Variants in ZNF804A observed in about 807,000 individuals in gnomAD.
ZNF804A encodes zinc finger protein 804A.
Under a neutral mutation model 16.5 loss-of-function variants are expected in ZNF804A, and 2 were observed. The observed-to-expected ratio is 0.12, with a 90% CI of 0.05 to 0.38. The LOEUF is 0.38. Ranked by LOEUF, ZNF804A falls within the 10% of genes least tolerant of loss-of-function variation. The pLI is 0.99. For synonymous variants in ZNF804A, 534 were observed against 489.6 expected (o/e 1.09, Z -1.20); for missense variants, 1,473 against 1,390.7 (o/e 1.06, Z -0.94).
intron 1 of ZNF804A, 56 bp downstream of exon 1, chr2:184,599,126 G>A (rs546052804): frequency 7.3e-7 from 1 of 1,373,016 alleles, no homozygotes; most frequent in East Asian, 2.3e-5. Context: ...GCATTTGGAA[G>A]ATTGAGTTTT....
intron 1 of ZNF804A, among the ~76,000 whole-genome samples, chr2:184,623,970 AT>A (rs1456411505): frequency 1.3e-5 from 2 of 152,198 alleles, no homozygotes; most frequent in Admixed American, 6.6e-5. Context: ...ATATCGAGAA[AT>A]CAGTATGCTT....
chr2:184,917,582 A>G (rs1685469873), intron 2 of ZNF804A, among the ~76,000 whole-genome samples: 2 of 152,072 alleles, frequency 1.3e-5, no homozygotes, highest in Admixed American at 1.3e-4. Context: ...CATATTCCCA[A>G]AACGTATATT....
rs377107444 is a variant in ZNF804A at position 184,659,242 on chromosome 2, A to G, written c.111+60172A>G. ...GGCTTATTACTACAGAGGTTAAGAC[A>G]TGGTTTGCTGGACTGATTGCTGAAG... On this transcript the variant is annotated intron_variant, in intron 1 of 3. Transcript: ENST00000302277. Among the ~76,000 whole-genome samples, 7 of 152,258 alleles carry G rather than the reference A, an allele frequency of 4.6e-5. No individual in the cohort carries two copies. The South Asian group carries it at 1.0e-3, about 23-fold the overall frequency.
chr2:184,857,115 A>G (rs773922764), intron 1 of ZNF804A, among the ~76,000 whole-genome samples: 2 of 151,864 alleles, frequency 1.3e-5, no homozygotes, highest in Non-Finnish European at 2.9e-5. Context: ...ATTGCTACCA[A>G]CTTTCCTCTT....
At chr2:184,754,772 TA>T (rs925054419) in intron 1 of ZNF804A, among the ~76,000 whole-genome samples, 10 of 151,660 alleles carry the variant, frequency 6.6e-5, no homozygotes, top group Non-Finnish European at 1.3e-4. Flanking sequence ...ATCTTTTTTT[TA>T]AAAAAAATTG....
At chr2:184,630,901 T>G (rs1691596095) in intron 1 of ZNF804A, among the ~76,000 whole-genome samples, 1 of 152,148 alleles carries the variant, frequency 6.6e-6, no homozygotes, top group African/African-American at 2.4e-5. Flanking sequence ...ATTGCTAAAA[T>G]TGATTAAAAA....
At chr2:184,810,456 A>C (rs1248439496) in intron 1 of ZNF804A, among the ~76,000 whole-genome samples, 1 of 111,812 alleles carries the variant, frequency 8.9e-6, no homozygotes, top group African/African-American at 3.3e-5. Flanking sequence ...TTATAATTAC[A>C]TTTCTGAAAC....
intron 1 of ZNF804A, among the ~76,000 whole-genome samples, chr2:184,638,036 A>C (rs1297609237): frequency 6.6e-6 from 1 of 152,166 alleles, no homozygotes; most frequent in Non-Finnish European, 1.5e-5. Flanking sequence ...CCCTTGTCTG[A>C]ACTTGGCTAT....
At chr2:184,802,460 G>A (rs146029061) in intron 1 of ZNF804A, among the ~76,000 whole-genome samples, 139 of 152,242 alleles carry the variant, frequency 9.1e-4, no homozygotes, top group African/African-American at 3.2e-3. Flanking sequence ...TAAGACTGTG[G>A]CCTTCAGAAG....
intron 1 of ZNF804A, among the ~76,000 whole-genome samples, chr2:184,808,981 C>T (rs992432519): frequency 1.3e-5 from 2 of 151,700 alleles, no homozygotes; most frequent in Non-Finnish European, 3.0e-5. Context: ...AAAATATTGA[C>T]TTAGCTCCTC....
At chr2:184,899,854 A>T (rs946897562) in intron 2 of ZNF804A, among the ~76,000 whole-genome samples, 7 of 151,958 alleles carry the variant, frequency 4.6e-5, no homozygotes, top group Non-Finnish European at 8.8e-5. Context: ...AAGCATTTAG[A>T]TTGTCGTTTT....
chr2:184,695,534 C>G (rs989303770), intron 1 of ZNF804A, among the ~76,000 whole-genome samples: 1 of 143,054 alleles, frequency 7.0e-6, no homozygotes, highest in African/African-American at 2.6e-5. Context: ...GGGTCTCACT[C>G]TGTTTTGTTC....
rs143885743 is a variant in ZNF804A at position 184,788,604 on chromosome 2, G to A, written c.112-77765G>A. 5.2e-3 allele frequency among the ~76,000 whole-genome samples: 786 copies of A among 152,082 alleles called. 3 individuals carry two copies. Among genetic ancestry groups the A allele is most frequent in the Non-Finnish European group, 8.6e-3 (581 of 67,912 alleles). On this transcript the variant is annotated intron_variant, in intron 1 of 3. Transcript: ENST00000302277. ...TATTTTTTGTATAACTATTGTAAAT[G>A]GGATTGAGTTCTTGATTTGGTTGTT... is the stretch of plus-strand genomic sequence containing the variant.
chr2:184,821,089 G>A lies in ZNF804A; in HGVS notation c.112-45280G>A, dbSNP rs189215868. ...TATTTTAAAATTCATATGGAACCAA[G>A]AAAGAGCCCAAATAGCCAAGACAAT... On this transcript the variant is annotated intron_variant, in intron 1 of 3. Coordinates refer to ENST00000302277, the MANE Select transcript of ZNF804A (RefSeq NM_194250.2). 2.2e-3 allele frequency among the ~76,000 whole-genome samples: 327 copies of A among 151,970 alleles called. 1 individual carries two copies. Among genetic ancestry groups the A allele is most frequent in the Middle Eastern group, 6.8e-3 (2 of 294 alleles).
intron 1 of ZNF804A, among the ~76,000 whole-genome samples, chr2:184,796,152 C>A (rs1694627228): frequency 6.6e-6 from 1 of 152,056 alleles, no homozygotes; most frequent in Non-Finnish European, 1.5e-5. Flanking sequence ...TATCTGTGTT[C>A]ATCAAGGCTA....
At position 184,727,780 on chromosome 2, in the gene ZNF804A, A is replaced by C. The variant is rs1185665645; in HGVS notation, c.111+128710A>C. 3.3e-5 allele frequency among the ~76,000 whole-genome samples: 5 copies of C among 151,786 alleles called. No homozygotes were observed. In the East Asian group the frequency reaches 7.7e-4, roughly 23 times the overall value. On this transcript the variant is annotated intron_variant, in intron 1 of 3. Transcript: ENST00000302277. ...TTAATTCTACTAAACACTTACTTAT[A>C]GTCAAATACAGTATAAGAAGTGATC...
intron 1 of ZNF804A, among the ~76,000 whole-genome samples, chr2:184,829,175 C>A (rs1695220149): frequency 6.6e-6 from 1 of 151,604 alleles, no homozygotes; most frequent in Admixed American, 6.6e-5. Flanking sequence ...TTATCATATA[C>A]ATCACTTATT....
chr2:184,827,789 T>C (rs1165092508), intron 1 of ZNF804A, among the ~76,000 whole-genome samples: 4 of 151,658 alleles, frequency 2.6e-5, no homozygotes, highest in Non-Finnish European at 5.9e-5. Context: ...TTTATGAAAA[T>C]CTTACAATAA....
intron 1 of ZNF804A, among the ~76,000 whole-genome samples, chr2:184,742,719 A>C (rs1428573854): frequency 1.3e-5 from 2 of 151,500 alleles, no homozygotes; most frequent in Non-Finnish European, 2.9e-5. Context: ...AAATATAGAA[A>C]ATAGATAAAT....
Sources: gnomAD v4.1 joint callset for allele counts (sites outside exome capture counted in the v4.1 genomes callset) on GRCh38, gnomAD v4.1.1 for gene constraint, MANE v1.5 for transcripts, NCBI Gene and HGNC (gene_info 2026-07-23, HGNC 2026-07-21) for gene names.